Variants in LINGO2 observed in about 807,000 individuals in gnomAD.
The protein encoded by LINGO2 is leucine-rich repeat and immunoglobulin-like domain-containing nogo receptor-interacting protein 2.
In LINGO2, 14 loss-of-function variants were observed where a neutral mutation model predicts 30.6. That is an observed-to-expected ratio of 0.46 (90% CI 0.30 to 0.72). The LOEUF is 0.72. Ranked by LOEUF, LINGO2 falls within the 30% of genes least tolerant of loss-of-function variation. The probability of loss-of-function intolerance (pLI) is 0.07; values close to 1 mark genes in which losing one functional copy is unlikely to be tolerated. For synonymous variants in LINGO2, 317 were observed against 288.5 expected (o/e 1.10, Z -1.00); for missense variants, 729 against 751.7 (o/e 0.97, Z 0.35).
At chr9:28,233,059 T>TAC (rs60936373) in intron 4 of LINGO2, among the ~76,000 whole-genome samples, 29,679 of 125,788 alleles carry the variant, frequency 0.24, 4,042 homozygotes, top group South Asian at 0.27. Context: ...TATATATATA[T>TAC]ATTAGATATA....
chr9:28,500,160 C>T (rs748161790), intron 1 of LINGO2, among the ~76,000 whole-genome samples: 27 of 152,094 alleles, frequency 1.8e-4, no homozygotes, highest in Non-Finnish European at 1.6e-4. Flanking sequence ...TGTGGGTCTT[C>T]TGACTTTGAA....
At chr9:28,784,720 G>A in the LINGO2 span, among the ~76,000 whole-genome samples, 1 of 152,264 alleles carries the variant, frequency 6.6e-6, no homozygotes, top group Middle Eastern at 3.4e-3. Flanking sequence ...TTGGGAGGCC[G>A]AGGTGCGTGG....
intron 3 of LINGO2, among the ~76,000 whole-genome samples, chr9:28,309,917 G>A (rs540502742): frequency 2.4e-4 from 36 of 152,032 alleles, no homozygotes; most frequent in Non-Finnish European, 4.7e-4. Flanking sequence ...GATGCTCAAT[G>A]TGATTAGTTC....
chr9:28,478,462 G>A (rs1220964382), intron 1 of LINGO2, among the ~76,000 whole-genome samples: 1 of 151,994 alleles, frequency 6.6e-6, no homozygotes, highest in Non-Finnish European at 1.5e-5. Context: ...TAGGGCTGCA[G>A]AATCTGTATC....
the LINGO2 span, among the ~76,000 whole-genome samples, chr9:28,948,595 CTA>C: frequency 6.6e-6 from 1 of 152,036 alleles, no homozygotes; most frequent in South Asian, 2.1e-4. Context: ...AGAAATTATA[CTA>C]CAATCACATA....
chr9:27,953,945 A>T (rs1819441358), intron 5 of LINGO2, among the ~76,000 whole-genome samples: 1 of 152,140 alleles, frequency 6.6e-6, no homozygotes, highest in Non-Finnish European at 1.5e-5. Flanking sequence ...TGACAATACT[A>T]ACTTTTTGAG....
chr9:28,103,073 C>T (rs945363153), intron 4 of LINGO2, among the ~76,000 whole-genome samples: 2 of 152,220 alleles, frequency 1.3e-5, no homozygotes, highest in East Asian at 1.9e-4. Context: ...ATATATAGGT[C>T]ATTAGCATTC....
At chr9:28,053,074 G>A (rs180846825) in intron 4 of LINGO2, among the ~76,000 whole-genome samples, 64 of 152,202 alleles carry the variant, frequency 4.2e-4, no homozygotes, top group Non-Finnish European at 8.1e-4. Flanking sequence ...CAGTAAACAG[G>A]CAAGAACATG....
At chr9:28,049,868 G>C (rs1318504676) in intron 4 of LINGO2, among the ~76,000 whole-genome samples, 1 of 150,620 alleles carries the variant, frequency 6.6e-6, no homozygotes, top group African/African-American at 2.5e-5. Context: ...TGAAGCCTCT[G>C]AAGATTTTTA....
At chr9:28,047,223 A>C (rs1824464190) in intron 4 of LINGO2, among the ~76,000 whole-genome samples, 1 of 152,130 alleles carries the variant, frequency 6.6e-6, no homozygotes, top group Admixed American at 6.6e-5. Flanking sequence ...CCTACATAAC[A>C]AATCTTTGGC....
At chr9:29,213,045 G>A in the LINGO2 span, among the ~76,000 whole-genome samples, 1 of 152,098 alleles carries the variant, frequency 6.6e-6, no homozygotes, top group Non-Finnish European at 1.5e-5. Flanking sequence ...TCCTTTCCAA[G>A]GGATCAGGAG....
the LINGO2 span, among the ~76,000 whole-genome samples, chr9:28,686,750 A>T: frequency 6.6e-6 from 1 of 152,082 alleles, no homozygotes. Flanking sequence ...TTTGTCTGAC[A>T]AATTGAGCTT....
intron 5 of LINGO2, among the ~76,000 whole-genome samples, chr9:27,984,878 C>T (rs1005222438): frequency 1.3e-5 from 2 of 151,532 alleles, no homozygotes; most frequent in African/African-American, 2.4e-5. Flanking sequence ...AATGACTTGC[C>T]CAAGGTCACA....
At chr9:28,896,065 G>C in the LINGO2 span, among the ~76,000 whole-genome samples, 2 of 152,058 alleles carry the variant, frequency 1.3e-5, no homozygotes, top group Non-Finnish European at 2.9e-5. Context: ...ATTTTAAAGG[G>C]CTCTAACATT....
chr9:28,651,749 A>G (rs1828112726), intron 1 of LINGO2, among the ~76,000 whole-genome samples: 1 of 152,116 alleles, frequency 6.6e-6, no homozygotes, highest in African/African-American at 2.4e-5. Flanking sequence ...ATTGTCTCTA[A>G]AGCAAATTCA....
the LINGO2 span, among the ~76,000 whole-genome samples, chr9:28,942,947 G>A: frequency 6.6e-6 from 1 of 152,200 alleles, no homozygotes; most frequent in Non-Finnish European, 1.5e-5. Context: ...GATACTGTGT[G>A]TTGAACATTG....
At chr9:28,210,960 T>A (rs1820568604) in intron 4 of LINGO2, among the ~76,000 whole-genome samples, 1 of 151,532 alleles carries the variant, frequency 6.6e-6, no homozygotes, top group African/African-American at 2.4e-5. Flanking sequence ...CCATTCTAAA[T>A]GATGGTTCTA....
chr9:28,919,362 T>C, the LINGO2 span, among the ~76,000 whole-genome samples: 2 of 152,188 alleles, frequency 1.3e-5, no homozygotes, highest in Non-Finnish European at 2.9e-5. Flanking sequence ...TTGGCAAACC[T>C]ACATGCCAGT....
chr9:28,240,623 A>G (rs921340772), intron 4 of LINGO2, among the ~76,000 whole-genome samples: 6 of 152,170 alleles, frequency 3.9e-5, no homozygotes, highest in African/African-American at 1.4e-4. Context: ...CCCATCTCTT[A>G]TCTTATGCAA....
Sources: gnomAD v4.1 joint callset for allele counts (sites outside exome capture counted in the v4.1 genomes callset) on GRCh38, gnomAD v4.1.1 for gene constraint, MANE v1.5 for transcripts, NCBI Gene and HGNC (gene_info 2026-07-23, HGNC 2026-07-21) for gene names.